CHCHD7: variants seen among roughly 807,000 people sequenced by gnomAD.
The protein encoded by CHCHD7 is coiled-coil-helix-coiled-coil-helix domain-containing protein 7.
In CHCHD7, 7 loss-of-function variants were observed where a neutral mutation model predicts 10.5. The observed-to-expected ratio is 0.67, with a 90% CI of 0.38 to 1.25. The LOEUF (loss-of-function observed/expected upper bound fraction) is 1.25, where lower values mean the gene tolerates loss of function less well. CHCHD7 is among the 50% of genes most tolerant of loss of function. The pLI is 0.02. For synonymous variants in CHCHD7, 40 were observed against 36.0 expected, an observed-to-expected ratio of 1.11 and a Z score of -0.40; for missense variants, 100 against 104.5, an observed-to-expected ratio of 0.96 and a Z score of 0.19.
chr8:56,214,829 T>G (rs1225630796), intron 2 of CHCHD7, 162 bp downstream of exon 2: 6 of 511,152 alleles, frequency 1.2e-5, no homozygotes, highest in Middle Eastern at 6.0e-4. Flanking sequence ...TTTAGATGTT[T>G]ATAATTTCTC....
At chr8:56,215,180 G>A (rs1472892862) in intron 2 of CHCHD7, 5 of 153,210 alleles carry the variant, frequency 3.3e-5, no homozygotes, top group African/African-American at 1.2e-4. Context: ...CTTACTTGTG[G>A]CTTTGCTACG....
At chr8:56,215,742 C>T in intron 2 of CHCHD7, among the ~76,000 whole-genome samples, 1 of 152,152 alleles carries the variant, frequency 6.6e-6, no homozygotes, top group Non-Finnish European at 1.5e-5. Flanking sequence ...CTCACAGAAT[C>T]ATACCTTTCA....
chr8:56,216,330 A>G (rs910784000), intron 2 of CHCHD7, 103 bp from the exon 3 acceptor site: 1 of 1,527,800 alleles, frequency 6.5e-7, no homozygotes, highest in Non-Finnish European at 8.8e-7. Context: ...CAAATGAACT[A>G]TTTCACATTA....
intron 3 of CHCHD7, 38 bp downstream of exon 3, chr8:56,216,569 C>T: frequency 6.2e-7 from 1 of 1,611,644 alleles, no homozygotes; most frequent in Admixed American, 1.7e-5. Context: ...TAAAACCCAT[C>T]TCCTAGGGTT....
At chr8:56,212,342 A>T (rs1033891727) in intron 1 of CHCHD7, 1 of 153,346 alleles carries the variant, frequency 6.5e-6, no homozygotes, top group Non-Finnish European at 1.5e-5. Flanking sequence ...GCAGTGGGTT[A>T]ACGGCACGGC....
At chr8:56,213,007 C>A in intron 1 of CHCHD7, 1 of 716,032 alleles carries the variant, frequency 1.4e-6, no homozygotes, top group Non-Finnish European at 2.5e-6. Flanking sequence ...GTTGTCTGAT[C>A]CTTGTTGAGA....
rs1403299640 is a variant in CHCHD7, at chr8:56,218,627, G to A, written c.*1192G>A. The A allele has an allele frequency of 5.0e-6, 1 of 200,152 alleles. No individual in the cohort carries two copies. The highest frequency in any genetic ancestry group is 1.9e-4 in the South Asian group (1 of 5,222). The allele number at this position is 200,152 out of a possible 1,614,324, so 12.4% of individuals were successfully genotyped here. A position where few individuals can be genotyped will look rare whatever the true frequency, so the allele number is the denominator to read the frequency against. ...AATGAATCATTTCCAAAATTCTTTT[G>A]ATTTGTATTGACTGCTATAAAAATG... On this transcript the variant is annotated 3_prime_UTR_variant, in exon 4 of 4. Coordinates refer to ENST00000355315, the MANE Select transcript of CHCHD7 (RefSeq NM_001011671.3).
chr8:56,216,597 T>G, intron 3 of CHCHD7, 66 bp downstream of exon 3: 1 of 1,533,534 alleles, frequency 6.5e-7, no homozygotes, highest in South Asian at 1.1e-5. Context: ...AAGCCTAAAA[T>G]TAGTCAGTAC....
chr8:56,217,744 C>A lies in CHCHD7; in HGVS notation c.*309C>A. ...AGAGTATGATGTGAACAAGTAAAGA[C>A]TGAATGGGGCTGAGATGAAGGCAAT... is the stretch of plus-strand genomic sequence containing the variant. On this transcript the variant is annotated 3_prime_UTR_variant, in exon 4 of 4. Coordinates refer to ENST00000355315, the MANE Select transcript of CHCHD7 (RefSeq NM_001011671.3). The A allele has an allele frequency of 3.6e-6, 1 of 275,230 alleles. No homozygotes were observed. Among genetic ancestry groups the A allele is most frequent in the Non-Finnish European group, 6.9e-6 (1 of 143,968 alleles). The allele number at this position is 275,230 out of a possible 1,614,324, so 17.0% of individuals were successfully genotyped here.
intron 1 of CHCHD7, 87 bp from the exon 2 acceptor site, chr8:56,214,511 A>G (rs559622080): frequency 2.1e-6 from 2 of 945,064 alleles, no homozygotes; most frequent in East Asian, 5.0e-5. Context: ...CAAAATCAAA[A>G]TTTCAGGTAC....
intron 2 of CHCHD7, 97 bp from the exon 3 acceptor site, chr8:56,216,336 C>G: frequency 1.3e-6 from 2 of 1,545,068 alleles, no homozygotes; most frequent in South Asian, 1.2e-5. Flanking sequence ...AACTATTTCA[C>G]ATTATTTGCT....
At chr8:56,217,286 G>T (rs1813404784) in intron 3 of CHCHD7, 45 bp from the exon 4 acceptor site, 2 of 1,131,288 alleles carry the variant, frequency 1.8e-6, no homozygotes, top group East Asian at 2.4e-5. Context: ...TTTAATACAT[G>T]ACTGATTTTG....
chr8:56,215,614 C>T (rs969061274), intron 2 of CHCHD7: 2 of 152,238 alleles, frequency 1.3e-5, no homozygotes, highest in Non-Finnish European at 2.9e-5. Flanking sequence ...AAGGGGAGCT[C>T]AGGCGGTAAG....
chr8:56,216,972 C>A (rs1813385123), intron 3 of CHCHD7: 1 of 431,838 alleles, frequency 2.3e-6, no homozygotes, highest in Non-Finnish European at 4.3e-6. Context: ...TTTCCTTGAA[C>A]CACGGGATCC....
intron 1 of CHCHD7, chr8:56,212,561 G>T: frequency 3.0e-6 from 1 of 330,574 alleles, no homozygotes. Flanking sequence ...GTTATCCCCT[G>T]AATGTGCTAT....
At position 56,216,805 on chromosome 8, in the gene CHCHD7, G is replaced by C. The variant is rs1470078640; in HGVS notation, c.153+274G>C. ...TCTGCAGCCCTAAAACAATGTCTTT[G>C]TTATAAATTTAGTTTTCCTGGAGAT... On this transcript the variant is annotated intron_variant, in intron 3 of 3. Coordinates refer to ENST00000355315, the MANE Select transcript of CHCHD7 (RefSeq NM_001011671.3). 3.2e-5 allele frequency: 22 copies of C among 685,794 alleles called. No individual in the cohort carries two copies. The Admixed American group carries it at 4.6e-4, about 14-fold the overall frequency. The allele number at this position is 685,794 out of a possible 1,614,324, so 42.5% of individuals were successfully genotyped here. A position where few individuals can be genotyped will look rare whatever the true frequency, so the allele number is the denominator to read the frequency against.
At chr8:56,217,033 T>TATTC (rs535979944) in intron 3 of CHCHD7, 13 of 424,164 alleles carry the variant, frequency 3.1e-5, no homozygotes, top group African/African-American at 2.4e-4. Context: ...ATTTCACGAT[T>TATTC]ATTCAGTAGC....
At chr8:56,213,683 A>G (rs1234140269) in intron 1 of CHCHD7, 1 of 152,256 alleles carries the variant, frequency 6.6e-6, no homozygotes, top group Non-Finnish European at 1.5e-5. Context: ...TAGGAATTGA[A>G]TTGGAAGATT....
chr8:56,216,172 C>A (rs1048644262), intron 2 of CHCHD7, among the ~76,000 whole-genome samples: 3 of 152,198 alleles, frequency 2.0e-5, no homozygotes, highest in African/African-American at 7.2e-5. Context: ...ATTAATTGAT[C>A]ACAGTTATTT....
Sources: allele counts gnomAD v4.1 joint callset (sites outside exome capture counted in the v4.1 genomes callset), GRCh38; gene constraint gnomAD v4.1.1; transcripts MANE v1.5; gene names NCBI Gene and HGNC (gene_info 2026-07-23, HGNC 2026-07-21).